NBAS: variants seen among roughly 807,000 people sequenced by gnomAD.
The protein encoded by NBAS is NBAS subunit of NRZ tethering complex, also known as NAG/BC035112 fusion.
NBAS carries 219 observed loss-of-function variants against 302.5 expected under a neutral mutation model. The observed-to-expected ratio is 0.72, with a 90% CI of 0.65 to 0.81. The LOEUF is 0.81. Ranked by LOEUF, NBAS falls within the 30% of genes least tolerant of loss-of-function variation. The probability of loss-of-function intolerance (pLI) is 0.00; values close to 1 mark genes in which losing one functional copy is unlikely to be tolerated. For synonymous variants in NBAS, 1,118 were observed against 1,021.6 expected, an observed-to-expected ratio of 1.09 and a Z score of -1.80; for missense variants, 2,932 against 2,841.6, an observed-to-expected ratio of 1.03 and a Z score of -0.72.
At chr2:15,548,498 C>A (rs1664225377) in intron 6 of NBAS, among the ~76,000 whole-genome samples, 1 of 151,828 alleles carries the variant, frequency 6.6e-6, no homozygotes, top group Non-Finnish European at 1.5e-5. Flanking sequence ...AAAAAAATGC[C>A]GGGTGTGATG....
At chr2:15,276,723 G>T in intron 43 of NBAS, 128 bp downstream of exon 43, 2 of 1,369,804 alleles carry the variant, frequency 1.5e-6, no homozygotes, top group Non-Finnish European at 2.0e-6. Flanking sequence ...AACTAAAGTC[G>T]ATTAGCTTCA....
chr2:14,809,715 G>C, the NBAS span, among the ~76,000 whole-genome samples: 1 of 152,110 alleles, frequency 6.6e-6, no homozygotes, highest in Non-Finnish European at 1.5e-5. Context: ...GTGAGAAGAG[G>C]GCCACTGTTC....
the NBAS span, among the ~76,000 whole-genome samples, chr2:15,038,436 G>T: frequency 9.8e-3 from 1,496 of 152,216 alleles, 27 homozygotes; most frequent in African/African-American, 0.034. Context: ...TAACAGGAAA[G>T]AACTTCTATT....
rs530368467 is a variant in NBAS at position 15,357,458 on chromosome 2, T to G, written c.3818-1042A>C. ...ATAAGTTTACTTTTAACAAGCCCAA[T>G]TTCTCTCTCTTACTGCAAAATTCCA... On this transcript the variant is annotated intron_variant, in intron 32 of 51. Coordinates refer to ENST00000281513, the MANE Select transcript of NBAS (RefSeq NM_015909.4). Among the ~76,000 whole-genome samples, 6 of 152,266 alleles carry G rather than the reference T, an allele frequency of 3.9e-5. No individual in the cohort carries two copies. The East Asian group carries it at 9.7e-4, about 25-fold the overall frequency.
chr2:15,458,330 G>C (rs1679341653), intron 21 of NBAS, among the ~76,000 whole-genome samples: 1 of 152,166 alleles, frequency 6.6e-6, no homozygotes. Context: ...ACATGGTTTA[G>C]ATGTTTTTTC....
At chr2:15,248,831 C>A (rs1416426812) in intron 44 of NBAS, among the ~76,000 whole-genome samples, 1 of 152,074 alleles carries the variant, frequency 6.6e-6, no homozygotes, top group Non-Finnish European at 1.5e-5. Flanking sequence ...AGCCTCCCAA[C>A]CAAAAAAAGT....
At chr2:14,820,694 C>A in the NBAS span, among the ~76,000 whole-genome samples, 1 of 151,882 alleles carries the variant, frequency 6.6e-6, no homozygotes, top group African/African-American at 2.4e-5. Context: ...TGTGAGAAAC[C>A]ATTCAGGAAC....
At chr2:14,871,926 C>A in the NBAS span, among the ~76,000 whole-genome samples, 6 of 152,070 alleles carry the variant, frequency 3.9e-5, no homozygotes, top group Non-Finnish European at 4.4e-5. Context: ...CTAAACACAA[C>A]AATTTGTAGA....
the NBAS span, among the ~76,000 whole-genome samples, chr2:15,141,171 C>T: frequency 6.6e-6 from 1 of 151,876 alleles, no homozygotes; most frequent in Non-Finnish European, 1.5e-5. Flanking sequence ...CTCTTTTTCC[C>T]CCTCTCTCTC....
At chr2:15,493,365 A>G (rs1352012608) in intron 11 of NBAS, among the ~76,000 whole-genome samples, 1 of 152,164 alleles carries the variant, frequency 6.6e-6, no homozygotes, top group East Asian at 1.9e-4. Context: ...GCAACTACAT[A>G]TCACAATAAA....
the NBAS span, among the ~76,000 whole-genome samples, chr2:15,053,971 C>T: frequency 1.3e-5 from 2 of 151,838 alleles, no homozygotes; most frequent in Admixed American, 1.3e-4. Flanking sequence ...GGGGGACTAG[C>T]CACTAGATTT....
At chr2:15,479,784 T>G (rs768615479) in intron 12 of NBAS, among the ~76,000 whole-genome samples, 1 of 152,202 alleles carries the variant, frequency 6.6e-6, no homozygotes, top group Non-Finnish European at 1.5e-5. Context: ...GGGCAGCTCC[T>G]GTCAATTTGA....
the NBAS span, among the ~76,000 whole-genome samples, chr2:14,847,481 C>T: frequency 6.7e-6 from 1 of 149,306 alleles, no homozygotes; most frequent in African/African-American, 2.5e-5. Context: ...AACAGAAGTG[C>T]CTATACTTAT....
At chr2:15,106,326 C>T in the NBAS span, among the ~76,000 whole-genome samples, 1 of 152,128 alleles carries the variant, frequency 6.6e-6, no homozygotes, top group Non-Finnish European at 1.5e-5. Flanking sequence ...TGGGAACCCA[C>T]AACACTTAGA....
the NBAS span, among the ~76,000 whole-genome samples, chr2:14,973,211 T>C: frequency 6.6e-6 from 1 of 152,188 alleles, no homozygotes; most frequent in Non-Finnish European, 1.5e-5. Context: ...AGGTATGGGC[T>C]AGAACCTTCC....
intron 11 of NBAS, among the ~76,000 whole-genome samples, chr2:15,502,988 T>G (rs1230217083): frequency 5.3e-5 from 8 of 152,232 alleles, no homozygotes. Flanking sequence ...TCTACAAACT[T>G]TTGTATTTTA....
chr2:14,808,526 C>T, the NBAS span, among the ~76,000 whole-genome samples: 1 of 152,200 alleles, frequency 6.6e-6, no homozygotes, highest in Admixed American at 6.5e-5. Context: ...AGTTTCCCTG[C>T]ACAAGCTCTC....
the NBAS span, among the ~76,000 whole-genome samples, chr2:14,898,837 C>T: frequency 6.6e-6 from 1 of 152,280 alleles, no homozygotes; most frequent in South Asian, 2.1e-4. Context: ...TCAGGTATGT[C>T]TTTATCAGCA....
intron 48 of NBAS, among the ~76,000 whole-genome samples, chr2:15,207,789 C>T (rs1443052014): frequency 6.6e-6 from 1 of 152,184 alleles, no homozygotes; most frequent in Non-Finnish European, 1.5e-5. Flanking sequence ...CCTGGGGCCT[C>T]CCAAGCCATG....
Sources: allele counts gnomAD v4.1 joint callset (sites outside exome capture counted in the v4.1 genomes callset), GRCh38; gene constraint gnomAD v4.1.1; transcripts MANE v1.5; gene names NCBI Gene and HGNC (gene_info 2026-07-23, HGNC 2026-07-21).